Variants in KIF16B observed in about 807,000 individuals in gnomAD.
KIF16B encodes the protein kinesin family member 16B.
Under a neutral mutation model 156.3 loss-of-function variants are expected in KIF16B, and 98 were observed. That is an observed-to-expected ratio of 0.63 (90% CI 0.53 to 0.74). KIF16B has a LOEUF of 0.74. KIF16B is among the 30% of genes least tolerant of loss of function. The probability of loss-of-function intolerance (pLI) is 0.00; values close to 1 mark genes in which losing one functional copy is unlikely to be tolerated. For synonymous variants in KIF16B, 564 were observed against 583.7 expected, an observed-to-expected ratio of 0.97 and a Z score of 0.49; for missense variants, 1,421 against 1,606.5, an observed-to-expected ratio of 0.88 and a Z score of 1.97.
At position 16,427,213 on chromosome 20, in the gene KIF16B, C is replaced by G. The variant is rs773967442; in HGVS notation, c.1503G>C (p.Glu501Asp). ...CCCCGATATTTTCAAAGATGCAATG[C>G]TCACTCTCCAAGTCAAGGCCATGAA... ...IVLHGLDLES[E>D]HCIFENIGGT... The change falls in exon 15 of 26, where the codon GAG becomes GAC. Residue 501 changes from glutamate (E) to aspartate (D), a missense_variant. Glu to Asp is a conservative substitution (Grantham distance 45, BLOSUM62 2). Coordinates refer to ENST00000354981, the MANE Select transcript of KIF16B (RefSeq NM_024704.5). 6 of 1,612,534 alleles carry G rather than the reference C, an allele frequency of 3.7e-6. No individual in the cohort carries two copies. In the Admixed American group the frequency reaches 1.0e-4, roughly 27 times the overall value.
intron 7 of KIF16B, among the ~76,000 whole-genome samples, chr20:16,507,025 C>T (rs2068801969): frequency 6.7e-6 from 1 of 150,268 alleles, no homozygotes; most frequent in South Asian, 2.1e-4. Context: ...CACTTGAGCC[C>T]AGAGGTTGAG....
chr20:16,356,690 T>C (rs2064449855), intron 22 of KIF16B, among the ~76,000 whole-genome samples: 1 of 152,242 alleles, frequency 6.6e-6, no homozygotes, highest in Admixed American at 6.5e-5. Flanking sequence ...AAAAGCACTA[T>C]GAAGTGTTTG....
At chr20:16,460,330 C>A (rs1330447271) in intron 12 of KIF16B, among the ~76,000 whole-genome samples, 1 of 152,168 alleles carries the variant, frequency 6.6e-6, no homozygotes, top group Admixed American at 6.5e-5. Context: ...CCTGTAATCC[C>A]AGCACTTTGG....
intron 24 of KIF16B, among the ~76,000 whole-genome samples, chr20:16,322,542 A>G (rs1020227395): frequency 5.9e-5 from 9 of 152,048 alleles, no homozygotes; most frequent in Non-Finnish European, 1.3e-4. Flanking sequence ...AGCTATATGT[A>G]TATGTATGCA....
chr20:16,452,330 A>G (rs1000475468), intron 12 of KIF16B, among the ~76,000 whole-genome samples: 1 of 152,286 alleles, frequency 6.6e-6, no homozygotes, highest in African/African-American at 2.4e-5. Flanking sequence ...TCATGCTAAC[A>G]GAAAATTCAG....
chr20:16,299,496 G>T (rs1040868394), intron 25 of KIF16B, among the ~76,000 whole-genome samples: 1 of 152,140 alleles, frequency 6.6e-6, no homozygotes, highest in Non-Finnish European at 1.5e-5. Context: ...AACAGAGTTG[G>T]ATTATTTGAT....
At chr20:16,528,318 G>C in intron 2 of KIF16B, 53 bp downstream of exon 2, 1 of 1,353,216 alleles carries the variant, frequency 7.4e-7, no homozygotes, top group Non-Finnish European at 1.1e-6. Context: ...CATCCCCACA[G>C]TAAAGCAATC....
At position 16,379,355 on chromosome 20, in the gene KIF16B, T is replaced by A. The variant is rs1408005409; in HGVS notation, c.2647A>T (p.Thr883Ser). 3 of 1,605,738 alleles carry A rather than the reference T, an allele frequency of 1.9e-6. No homozygotes were observed. Among genetic ancestry groups the A allele is most frequent in the Admixed American group, 1.7e-5 (1 of 59,000 alleles). The part of the protein sequence containing the change: ...RLLEKHDESV[T>S]DVTEVPQDFE... Reference sequence around the variant, plus strand: ...TCTTGAGGCACTTCCGTGACATCTGTGACACTCTCATCATGTTTTTCCAAC... The same window carrying A: ...TCTTGAGGCACTTCCGTGACATCTGAGACACTCTCATCATGTTTTTCCAAC... The change falls in exon 19 of 26, where the codon ACA becomes TCA. Residue 883 changes from threonine (T) to serine (S), a missense_variant. By Grantham distance (58) the Thr-to-Ser change is moderately conservative (BLOSUM62 1). Coordinates refer to ENST00000354981, the MANE Select transcript of KIF16B (RefSeq NM_024704.5).
chr20:16,501,492 A>G (rs539569098), intron 10 of KIF16B, among the ~76,000 whole-genome samples: 1 of 152,016 alleles, frequency 6.6e-6, no homozygotes, highest in East Asian at 1.9e-4. Flanking sequence ...CACCAATTCC[A>G]CTTGTAGACA....
At chr20:16,474,014 C>T (rs1249094083) in intron 12 of KIF16B, among the ~76,000 whole-genome samples, 1 of 152,174 alleles carries the variant, frequency 6.6e-6, no homozygotes, top group African/African-American at 2.4e-5. Context: ...TCCTCCCTCC[C>T]TGCTGCTCCA....
chr20:16,403,564 T>G (rs1222636167), intron 17 of KIF16B, among the ~76,000 whole-genome samples: 1 of 152,190 alleles, frequency 6.6e-6, no homozygotes, highest in Non-Finnish European at 1.5e-5. Context: ...GGGAGTCAAC[T>G]GCTGGTGCTT....
At chr20:16,538,744 A>C (rs989169028) in intron 1 of KIF16B, among the ~76,000 whole-genome samples, 7 of 152,198 alleles carry the variant, frequency 4.6e-5, no homozygotes, top group African/African-American at 1.7e-4. Context: ...CCCCACACAA[A>C]TCTCATGATG....
At chr20:16,477,562 C>T (rs976700994) in intron 12 of KIF16B, among the ~76,000 whole-genome samples, 4 of 152,130 alleles carry the variant, frequency 2.6e-5, no homozygotes, top group Non-Finnish European at 4.4e-5. Flanking sequence ...TTAATAAAGA[C>T]GTTCAGAAAT....
chr20:16,537,329 C>T (rs1249072486), intron 1 of KIF16B, among the ~76,000 whole-genome samples: 2 of 152,016 alleles, frequency 1.3e-5, no homozygotes, highest in Non-Finnish European at 2.9e-5. Flanking sequence ...TCAGCTCAGA[C>T]TTCACATCCT....
rs745972768 is a variant in KIF16B, at chr20:16,497,665, T to G, written c.1190A>C (p.Asp397Ala). 6.2e-7 allele frequency: 1 copy of G among 1,609,302 alleles called. No homozygotes were observed. Among genetic ancestry groups the G allele is most frequent in the Non-Finnish European group, 8.5e-7 (1 of 1,176,060 alleles). ...CTCCATACTTAAAGCTGTGGGGGAG[T>G]CTAAGAGGGCAATCTACAATATAAA... ...LAQGNQIALL[D>A]SPTALSMEEK... The change falls in exon 11 of 26, where the codon GAC becomes GCC. Residue 397 changes from aspartate (D) to alanine (A), a missense_variant. By Grantham distance (126) the Asp-to-Ala change is moderately radical. Transcript: ENST00000354981.
At chr20:16,416,830 G>A (rs1025397411) in intron 15 of KIF16B, among the ~76,000 whole-genome samples, 27 of 152,040 alleles carry the variant, frequency 1.8e-4, no homozygotes, top group Admixed American at 1.8e-3. Flanking sequence ...GTGCTTCCCA[G>A]CTTGGTCTAG....
At chr20:16,481,554 A>G (rs1019152412) in intron 12 of KIF16B, among the ~76,000 whole-genome samples, 1 of 152,224 alleles carries the variant, frequency 6.6e-6, no homozygotes, top group African/African-American at 2.4e-5. Flanking sequence ...AATAGGACTT[A>G]GCAACCTAAA....
At chr20:16,479,511 G>A (rs2067918176) in intron 12 of KIF16B, among the ~76,000 whole-genome samples, 1 of 141,488 alleles carries the variant, frequency 7.1e-6, no homozygotes, top group South Asian at 2.1e-4. Context: ...ATGTACCTCA[G>A]AACTTTAAAA....
At chr20:16,297,163 G>A (rs2063399874) in intron 25 of KIF16B, among the ~76,000 whole-genome samples, 1 of 152,178 alleles carries the variant, frequency 6.6e-6, no homozygotes, top group South Asian at 2.1e-4. Context: ...TCTCCAGCTT[G>A]CCAAATGCAG....
Sources: gnomAD v4.1 joint callset for allele counts (sites outside exome capture counted in the v4.1 genomes callset) on GRCh38, gnomAD v4.1.1 for gene constraint, MANE v1.5 for transcripts, NCBI Gene and HGNC (gene_info 2026-07-23, HGNC 2026-07-21) for gene names.